Variants in NECTIN1 observed in about 807,000 individuals in gnomAD.
The protein encoded by NECTIN1 is nectin-1.
A neutral mutation model predicts 48.0 loss-of-function variants in NECTIN1; 23 were observed. The observed-to-expected ratio is 0.48, with a 90% CI of 0.34 to 0.68. NECTIN1 has a LOEUF of 0.68. Among genes scored for constraint, NECTIN1 ranks in the 30% least tolerant of loss-of-function variants. NECTIN1 has a pLI of 0.01. For synonymous variants in NECTIN1, 270 were observed against 288.9 expected (o/e 0.93, Z 0.66); for missense variants, 591 against 709.9 (o/e 0.83, Z 1.90).
At chr11:119,726,337 T>G (rs1403258139) in intron 1 of NECTIN1, among the ~76,000 whole-genome samples, 1 of 152,136 alleles carries the variant, frequency 6.6e-6, no homozygotes, top group Non-Finnish European at 1.5e-5. Flanking sequence ...CATATCCACC[T>G]GCCTCCCTGC....
chr11:119,700,073 G>A (rs912816537), intron 1 of NECTIN1, among the ~76,000 whole-genome samples: 2 of 152,214 alleles, frequency 1.3e-5, no homozygotes, highest in African/African-American at 2.4e-5. Context: ...CCGTGTTCAT[G>A]ATTCGAGGCC....
chr11:119,700,219 C>T (rs1413822136), intron 1 of NECTIN1, among the ~76,000 whole-genome samples: 2 of 152,122 alleles, frequency 1.3e-5, no homozygotes, highest in African/African-American at 2.4e-5. Context: ...TGGATGCTGA[C>T]CTTTGGTCTG....
chr11:119,675,111 G>T (rs770523812), intron 5 of NECTIN1, 48 bp downstream of exon 5: 24 of 1,610,736 alleles, frequency 1.5e-5, no homozygotes, highest in Non-Finnish European at 1.4e-5. Flanking sequence ...TGCAGGTGGC[G>T]AAGGAACCCG....
intron 1 of NECTIN1, among the ~76,000 whole-genome samples, chr11:119,725,846 C>G (rs1865900013): frequency 6.6e-6 from 1 of 152,084 alleles, no homozygotes; most frequent in South Asian, 2.1e-4. Flanking sequence ...GGTGGGACAA[C>G]AGCTCGACAC....
chr11:119,710,609 T>G (rs769993125), intron 1 of NECTIN1, among the ~76,000 whole-genome samples: 1 of 152,148 alleles, frequency 6.6e-6, no homozygotes, highest in Admixed American at 6.5e-5. Flanking sequence ...AGGTAAAATT[T>G]CACTGGGCTT....
At chr11:119,700,324 T>C (rs376129866) in intron 1 of NECTIN1, among the ~76,000 whole-genome samples, 2 of 152,228 alleles carry the variant, frequency 1.3e-5, no homozygotes, top group African/African-American at 2.4e-5. Flanking sequence ...TACAATGTCA[T>C]TTGTCAAGTG....
At chr11:119,723,676 T>C (rs1341493520) in intron 1 of NECTIN1, among the ~76,000 whole-genome samples, 1 of 152,254 alleles carries the variant, frequency 6.6e-6, no homozygotes, top group Non-Finnish European at 1.5e-5. Flanking sequence ...ACAGATATTA[T>C]GTTCCATGTG....
intron 1 of NECTIN1, among the ~76,000 whole-genome samples, chr11:119,689,922 G>A (rs12575194): frequency 6.6e-6 from 1 of 152,232 alleles, no homozygotes; most frequent in Non-Finnish European, 1.5e-5. Flanking sequence ...TATCTGCATA[G>A]GCACCAAACC....
At chr11:119,639,260 A>C (rs558871653) in intron 6 of NECTIN1, among the ~76,000 whole-genome samples, 1 of 152,332 alleles carries the variant, frequency 6.6e-6, no homozygotes, top group South Asian at 2.1e-4. Context: ...CAAAACGTCC[A>C]CATTGTAAGT....
rs1246387414 is a variant in NECTIN1 at position 119,665,186 on chromosome 11, C to G, written c.1115G>C (p.Gly372Ala). Reference sequence around the variant, plus strand: ...CCGACGCAGGGCGACCACGATCCCGCCGACCACAATCAACACCAGCAGGAT... The same window carrying G: ...CCGACGCAGGGCGACCACGATCCCGGCGACCACAATCAACACCAGCAGGAT... ...GSILLVLIVV[G>A]GIVVALRRRR... Residue 372 changes from glycine to alanine, a missense_variant, in exon 6 of 6, where the codon GGC (glycine) becomes GCC (alanine). By Grantham distance (60) the Gly-to-Ala change is moderately conservative. Coordinates refer to ENST00000264025, the MANE Select transcript of NECTIN1 (RefSeq NM_002855.5). This position sits in a 1 kb window ranked among gnomAD's most constrained non-coding sequence, Gnocchi z 5.1. The G allele has an allele frequency of 6.2e-7, 1 of 1,609,560 alleles. No individual in the cohort carries two copies. Among genetic ancestry groups the G allele is most frequent in the Non-Finnish European group, 8.5e-7 (1 of 1,179,874 alleles).
Position 119,664,942 on chromosome 11 carries a change from C to A in NECTIN1, c.1359G>T (p.Val453=). 6.2e-7 allele frequency: 1 copy of A among 1,613,684 alleles called. No individual in the cohort carries two copies. Among genetic ancestry groups the A allele is most frequent in the South Asian group, 1.1e-5 (1 of 91,068 alleles). ...CGTCATATTTGGGGTGGGGGCCGCC[C>A]ACCTTGCGCTCGCCCCCTCCACCGC... ...EEGGGGGERK[V]GGPHPKYDED... Residue 453 remains valine (V), a synonymous_variant, in exon 6 of 6, where the codon GTG becomes GTT. Transcript: ENST00000264025.
chr11:119,686,261 C>T (rs1013599202), intron 1 of NECTIN1, among the ~76,000 whole-genome samples: 1 of 152,190 alleles, frequency 6.6e-6, no homozygotes, highest in African/African-American at 2.4e-5. Flanking sequence ...ACCTCACCTC[C>T]GGCAGTCTCC....
intron 1 of NECTIN1, among the ~76,000 whole-genome samples, chr11:119,700,348 C>A (rs975679396): frequency 6.6e-6 from 1 of 152,208 alleles, no homozygotes; most frequent in African/African-American, 2.4e-5. Flanking sequence ...ACACCTAGTT[C>A]GTGAAAGGGG....
chr11:119,667,349 C>T (rs1864790286), intron 5 of NECTIN1, among the ~76,000 whole-genome samples: 1 of 148,292 alleles, frequency 6.7e-6, no homozygotes, highest in African/African-American at 2.7e-5. Flanking sequence ...TTCCTCTCTT[C>T]ATCCATCCCT....
Position 119,675,290 on chromosome 11 carries a change from T to C in NECTIN1, c.872A>G (p.Lys291Arg), listed in dbSNP as rs529558141. The change falls in exon 5 of 6, where the codon AAG becomes AGG. Residue 291 changes from lysine to arginine, a missense_variant. Physicochemically the swap from Lys to Arg is conservative, Grantham distance 26 (BLOSUM62 2). Transcript: ENST00000264025. ...HWTTLNGSLP[K>R]GVEAQNRTLF... ...GGTTCTGTTCTGGGCCTCCACACCC[T>C]TGGGGAGAGAGCCATTTAGCCTGTG... is the stretch of plus-strand genomic sequence containing the variant. The C allele has an allele frequency of 2.5e-6, 4 of 1,614,096 alleles. No individual in the cohort carries two copies. Among genetic ancestry groups the C allele is most frequent in the South Asian group, 1.1e-5 (1 of 91,072 alleles).
At chr11:119,659,839 TAATTACGC>T (rs1474663215), downstream of NECTIN1, among the ~76,000 whole-genome samples, 2 of 152,260 alleles carry the variant, frequency 1.3e-5, no homozygotes, top group East Asian at 3.8e-4. Context: ...ATTAATAATG[TAATTACGC>T]ATTTATTGCC....
chr11:119,648,775 G>T (rs573419570), intron 5 of NECTIN1, among the ~76,000 whole-genome samples: 1 of 152,092 alleles, frequency 6.6e-6, no homozygotes, highest in South Asian at 2.1e-4. Context: ...CTCAGTTGCT[G>T]GCCACTGCAC....
At chr11:119,728,386 C>A in intron 1 of NECTIN1, 89 bp downstream of exon 1, 1 of 1,311,112 alleles carries the variant, frequency 7.6e-7, no homozygotes, top group Admixed American at 2.1e-5. Context: ...TCCTTTCACT[C>A]CCCACAATCC....
chr11:119,639,455 C>T, intron 6 of NECTIN1: 1 of 238,272 alleles, frequency 4.2e-6, no homozygotes, highest in Non-Finnish European at 8.2e-6. Context: ...GTTTTGGCTC[C>T]CCCCATATAC....
Sources: gnomAD v4.1 joint callset for allele counts (sites outside exome capture counted in the v4.1 genomes callset) on GRCh38, gnomAD v4.1.1 for gene constraint, Gnocchi (gnomAD v3.1) non-coding constraint, MANE v1.5 for transcripts, NCBI Gene and HGNC (gene_info 2026-07-23, HGNC 2026-07-21) for gene names.